Variants in ERC2 observed in about 807,000 individuals in gnomAD.
The protein encoded by ERC2 is ERC protein 2.
Under a neutral mutation model 114.8 loss-of-function variants are expected in ERC2, and 42 were observed. The ratio of observed to expected loss-of-function variants is 0.37; its 90% confidence interval spans 0.29 to 0.47. ERC2 has a LOEUF of 0.47. Ranked by LOEUF, ERC2 falls within the 20% of genes least tolerant of loss-of-function variation. The pLI, the probability that ERC2 is intolerant of heterozygous loss-of-function variation, is 0.99. For missense variants in ERC2, 939 were observed against 1,150.7 expected, an observed-to-expected ratio of 0.82 and a Z score of 2.66; for synonymous variants, 454 against 425.5, an observed-to-expected ratio of 1.07 and a Z score of -0.82.
chr3:55,678,017 G>A (rs1204234441), intron 17 of ERC2, among the ~76,000 whole-genome samples: 2 of 152,174 alleles, frequency 1.3e-5, no homozygotes, highest in Admixed American at 6.5e-5. Context: ...ACTGTGAATA[G>A]GATATTCAAG....
intron 15 of ERC2, among the ~76,000 whole-genome samples, chr3:55,702,260 T>C (rs1010669047): frequency 6.6e-6 from 1 of 152,196 alleles, no homozygotes; most frequent in African/African-American, 2.4e-5. Flanking sequence ...AACCACGTTG[T>C]TCATGTGAAT....
At chr3:55,989,282 T>G (rs907218439) in intron 11 of ERC2, among the ~76,000 whole-genome samples, 2 of 152,214 alleles carry the variant, frequency 1.3e-5, no homozygotes, top group African/African-American at 2.4e-5. Flanking sequence ...ATTGAAGAAA[T>G]AAAAATCTGA....
At chr3:55,968,887 CTT>C (rs1050226006) in intron 12 of ERC2, among the ~76,000 whole-genome samples, 1 of 152,094 alleles carries the variant, frequency 6.6e-6, no homozygotes, top group African/African-American at 2.4e-5. Flanking sequence ...ATACCAATGG[CTT>C]TTTTTCTTTT....
At chr3:56,345,571 A>G (rs543849911) in intron 2 of ERC2, among the ~76,000 whole-genome samples, 4 of 152,236 alleles carry the variant, frequency 2.6e-5, no homozygotes, top group Admixed American at 6.5e-5. Context: ...GCCTACTTCA[A>G]AAATAATGAA....
rs78349172 is a variant in ERC2 at position 55,688,882 on chromosome 3, G to T, written c.2848-5023C>A. On this transcript the variant is annotated intron_variant, in intron 16 of 17. Coordinates refer to ENST00000288221, the MANE Select transcript of ERC2 (RefSeq NM_015576.3). ...GGAATATGCTTCCTGGATTCCCAGA[G>T]TTCCTTACGATTGCCAAGATTGTGT... Among the ~76,000 whole-genome samples, 833 of 152,262 alleles carry T rather than the reference G, an allele frequency of 5.5e-3. 5 individuals carry two copies. The highest frequency in any genetic ancestry group is 0.019 in the African/African-American group (789 of 41,556).
chr3:56,234,972 G>C (rs2050846527), intron 3 of ERC2, among the ~76,000 whole-genome samples: 1 of 152,138 alleles, frequency 6.6e-6, no homozygotes, highest in South Asian at 2.1e-4. Flanking sequence ...AGATAGAGTG[G>C]TTTCAGTTGG....
intron 2 of ERC2, among the ~76,000 whole-genome samples, chr3:56,350,973 C>T (rs560145845): frequency 2.6e-5 from 4 of 152,212 alleles, no homozygotes; most frequent in Admixed American, 6.5e-5. Context: ...AGAGTTCAAG[C>T]CCAAGGTCAC....
chr3:56,063,263 G>A (rs1260463511), intron 7 of ERC2, among the ~76,000 whole-genome samples: 1 of 152,216 alleles, frequency 6.6e-6, no homozygotes, highest in African/African-American at 2.4e-5. Context: ...GAGGATTACA[G>A]AAGTGCCCCG....
intron 3 of ERC2, among the ~76,000 whole-genome samples, chr3:56,272,024 T>C (rs2053687788): frequency 6.6e-6 from 1 of 152,194 alleles, no homozygotes; most frequent in Non-Finnish European, 1.5e-5. Context: ...TATATAATCA[T>C]AAAGTTTAGT....
At chr3:56,231,912 G>T (rs2150178909) in intron 3 of ERC2, among the ~76,000 whole-genome samples, 2 of 150,980 alleles carry the variant, frequency 1.3e-5, no homozygotes, top group South Asian at 4.2e-4. Flanking sequence ...CACAAAATGA[G>T]GTAAGCAATA....
At chr3:55,734,674 A>C in intron 15 of ERC2, 97 bp downstream of exon 15, 1 of 1,453,654 alleles carries the variant, frequency 6.9e-7, no homozygotes, top group Non-Finnish European at 9.2e-7. Context: ...TTGAGCCCAC[A>C]GGATGGACAT....
At chr3:55,723,414 A>G (rs1575388391) in intron 15 of ERC2, among the ~76,000 whole-genome samples, 1 of 152,320 alleles carries the variant, frequency 6.6e-6, no homozygotes, top group East Asian at 1.9e-4. Context: ...GGAAAAGCTC[A>G]TTTACATAGA....
chr3:56,340,158 T>C (rs908281309), intron 2 of ERC2, among the ~76,000 whole-genome samples: 13 of 152,204 alleles, frequency 8.5e-5, no homozygotes, highest in African/African-American at 3.1e-4. Context: ...ATTTCTCATA[T>C]CTGAACATGC....
At chr3:55,927,152 C>T (rs1340879826) in intron 13 of ERC2, among the ~76,000 whole-genome samples, 1 of 152,106 alleles carries the variant, frequency 6.6e-6, no homozygotes, top group East Asian at 1.9e-4. Flanking sequence ...TCTGAAGGTC[C>T]ACATTCCTAA....
intron 17 of ERC2, among the ~76,000 whole-genome samples, chr3:55,678,718 C>T (rs1203278237): frequency 6.6e-6 from 1 of 152,160 alleles, no homozygotes; most frequent in African/African-American, 2.4e-5. Flanking sequence ...CCTGCCCTTC[C>T]CTTGGCCAGA....
chr3:55,782,794 A>C (rs1057010128), intron 14 of ERC2, among the ~76,000 whole-genome samples: 1 of 152,210 alleles, frequency 6.6e-6, no homozygotes, highest in Admixed American at 6.5e-5. Context: ...CATCTTCTCA[A>C]GATGCAAATC....
At chr3:55,931,078 C>T (rs564185759) in intron 13 of ERC2, among the ~76,000 whole-genome samples, 35 of 152,016 alleles carry the variant, frequency 2.3e-4, no homozygotes, top group African/African-American at 7.2e-4. Context: ...GTTAGAATGG[C>T]GATCATTAAA....
chr3:56,336,751 C>T (rs1412910375), intron 2 of ERC2, among the ~76,000 whole-genome samples: 2 of 152,132 alleles, frequency 1.3e-5, no homozygotes, highest in Non-Finnish European at 2.9e-5. Flanking sequence ...GAGCCAAGAT[C>T]ACGCCACTGC....
intron 9 of ERC2, 121 bp downstream of exon 9, chr3:56,010,328 G>C: frequency 8.2e-7 from 1 of 1,223,706 alleles, no homozygotes; most frequent in Non-Finnish European, 1.1e-6. Flanking sequence ...CAAAAGAAAG[G>C]TTACTACATT....
Sources: allele counts gnomAD v4.1 joint callset (sites outside exome capture counted in the v4.1 genomes callset), GRCh38; gene constraint gnomAD v4.1.1; transcripts MANE v1.5; gene names NCBI Gene and HGNC (gene_info 2026-07-23, HGNC 2026-07-21).